The following CYP4A11 variants were observed in gnomAD, a reference collection of about 807,000 sequenced individuals.
The protein encoded by CYP4A11 is cytochrome P450 4A11.
Under a neutral mutation model 57.7 loss-of-function variants are expected in CYP4A11, and 52 were observed. The observed-to-expected ratio is 0.90, with a 90% CI of 0.72 to 1.14. The LOEUF is 1.14. Among genes scored for constraint, CYP4A11 ranks in the 50% most tolerant of loss-of-function variants. The pLI is 0.00. For missense variants in CYP4A11, 641 were observed against 642.1 expected (o/e 1.00, Z 0.02); for synonymous variants, 228 against 247.1 (o/e 0.92, Z 0.72).
Position 46,934,224 on chromosome 1 carries a change from C to G in CYP4A11, c.1040G>C (p.Cys347Ser). The G allele has an allele frequency of 6.2e-7, 1 of 1,613,848 alleles. No homozygotes were observed. The highest frequency in any genetic ancestry group is 8.5e-7 in the Non-Finnish European group (1 of 1,179,874). The change falls in exon 8 of 12, where the codon TGC becomes TCC. Residue 347 changes from cysteine (C) to serine (S), a missense_variant. Coordinates refer to ENST00000310638, the MANE Select transcript of CYP4A11 (RefSeq NM_000778.4). ...CAGGAGGCTGTGGATCTCCTCCCGG[C>G]ACCTCTCCTGATGCTTGGGGTGTGT... ...LATHPKHQERCREEIHSLLGD... is the reference protein window; with the variant it reads ...LATHPKHQERSREEIHSLLGD...
chr1:46,932,900 G>T, intron 10 of CYP4A11, 63 bp from the exon 11 acceptor site: 1 of 1,614,066 alleles, frequency 6.2e-7, no homozygotes, highest in Non-Finnish European at 8.5e-7. Context: ...CACCCATGGG[G>T]GACAGGACTC....
Position 46,930,068 on chromosome 1 carries a change from G to T in CYP4A11, c.*47C>A. 6.4e-7 allele frequency: 1 copy of T among 1,566,366 alleles called. No homozygotes were observed. The highest frequency in any genetic ancestry group is 8.7e-7 in the Non-Finnish European group (1 of 1,154,040). On this transcript the variant is annotated 3_prime_UTR_variant, in exon 12 of 12. Transcript: ENST00000310638. ...AAAACAGGATATGGGCAGACAGGAA[G>T]GGGACAGAAGCGGGGGTCAGGAAGA... is the stretch of plus-strand genomic sequence containing the variant.
chr1:46,931,881 G>A (rs917006144), intron 11 of CYP4A11: 82 of 956,244 alleles, frequency 8.6e-5, no homozygotes, highest in Middle Eastern at 5.3e-4. Flanking sequence ...GATCTCCACC[G>A]CAACCATTCT....
chr1:46,933,104 T>C (rs1387056212), intron 9 of CYP4A11, 57 bp from the exon 10 acceptor site: 2 of 1,602,062 alleles, frequency 1.2e-6, no homozygotes, highest in Non-Finnish European at 1.7e-6. Flanking sequence ...GGTGGCCTGG[T>C]ACTTCAGCCA....
intron 3 of CYP4A11, 24 bp downstream of exon 3, chr1:46,937,278 T>C (rs1681467853): frequency 6.2e-7 from 1 of 1,612,710 alleles, no homozygotes; most frequent in African/African-American, 1.3e-5. Flanking sequence ...GGGAGTGGGC[T>C]GCAGTCCTAG....
In CYP4A11 at chr1:46,934,202, G is replaced by A. The variant is rs1295485380; in HGVS notation, c.1062C>T (p.Leu354=). Residue 354 remains leucine (L), a synonymous_variant, in exon 8 of 12, where the codon CTC becomes CTT. Coordinates refer to ENST00000310638, the MANE Select transcript of CYP4A11 (RefSeq NM_000778.4). Reference sequence around the variant, plus strand: ...AGGTGATGGAGGCTCCATCACCCAGGAGGCTGTGGATCTCCTCCCGGCACC... The same window carrying A: ...AGGTGATGGAGGCTCCATCACCCAGAAGGCTGTGGATCTCCTCCCGGCACC... ...QERCREEIHS[L]LGDGASITWN... The A allele has an allele frequency of 6.2e-7, 1 of 1,613,964 alleles. No individual in the cohort carries two copies. The highest frequency in any genetic ancestry group is 1.7e-5 in the Admixed American group (1 of 60,008).
rs760231988 is a variant in CYP4A11, at chr1:46,930,084, G to A, written c.*31C>T. 7.6e-6 allele frequency: 12 copies of A among 1,587,564 alleles called. No individual in the cohort carries two copies. Among genetic ancestry groups the A allele is most frequent in the Admixed American group, 1.7e-5 (1 of 58,288 alleles). ...AGACAGGAAGGGGACAGAAGCGGGG[G>A]TCAGGAAGACAGGACGGCAGGTGGA... On this transcript the variant is annotated 3_prime_UTR_variant, in exon 12 of 12. Transcript: ENST00000310638.
At position 46,930,279 on chromosome 1, in the gene CYP4A11, C is replaced by T. The variant is rs531039219; in HGVS notation, c.1396G>A (p.Glu466Lys). 2.5e-5 allele frequency: 41 copies of T among 1,613,550 alleles called. No individual in the cohort carries two copies. The highest frequency in any genetic ancestry group is 1.0e-4 in the Admixed American group (6 of 59,924). The change falls in exon 12 of 12, where the codon GAG becomes AAG. Residue 466 changes from glutamate to lysine, a missense_variant. Physicochemically the swap from Glu to Lys is moderately conservative, Grantham distance 56. Transcript: ENST00000310638. ...NCIGKQFAMNELKVATALTLL... is the reference protein window; with the variant it reads ...NCIGKQFAMNKLKVATALTLL... ...GTCAGGGCCGTGGCCACCTTCAGCT[C>T]GTTCATGGCAAATTGTTTCCCGATG...
rs769375333 is a variant in CYP4A11 at position 46,932,740 on chromosome 1, T to C, written c.1364+21A>G. The stretch of plus-strand genomic sequence containing the variant: ...GACTTCCCTCATTCCTCTATTCGAA[T>C]TACCACACAGGACGTCTCACCTTGA... On this transcript the variant is annotated intron_variant, in intron 11 of 11. Transcript: ENST00000310638. 17 of 1,614,132 alleles carry C rather than the reference T, an allele frequency of 1.1e-5. No homozygotes were observed. In the Admixed American group the frequency reaches 2.7e-4, roughly 25 times the overall value.
At position 46,935,005 on chromosome 1, in the gene CYP4A11, T is replaced by A; in HGVS notation, c.785A>T (p.His262Leu). 2 of 1,613,856 alleles carry A rather than the reference T, an allele frequency of 1.2e-6. No individual in the cohort carries two copies. The highest frequency in any genetic ancestry group is 1.7e-6 in the Non-Finnish European group (2 of 1,179,828). Reference sequence around the variant, plus strand: ...ACAAGAGGAAAAGACAGAACCTGTGTGCTGATGGGCCAGCTGGCAGGCGCG... The same window carrying A: ...ACAAGAGGAAAAGACAGAACCTGTGAGCTGATGGGCCAGCTGGCAGGCGCG... ...THRACQLAHQ[H>L]TDQVIQLRKA... Residue 262 changes from histidine (H) to leucine (L), a missense_variant, in exon 6 of 12, where the codon CAC (histidine) becomes CTC (leucine). Coordinates refer to ENST00000310638, the MANE Select transcript of CYP4A11 (RefSeq NM_000778.4).
At chr1:46,930,336 G>A in intron 11 of CYP4A11, 26 bp from the exon 12 acceptor site, 1 of 1,598,404 alleles carries the variant, frequency 6.3e-7, no homozygotes, top group African/African-American at 1.3e-5. Context: ...ATAATGAATT[G>A]AGAAGTGTCC....
chr1:46,939,356 G>T (rs1681612349), intron 1 of CYP4A11, among the ~76,000 whole-genome samples: 1 of 152,274 alleles, frequency 6.6e-6, no homozygotes, highest in African/African-American at 2.4e-5. Flanking sequence ...GTCCTTATCT[G>T]TGTGGAATTT....
Position 46,937,292 on chromosome 1 carries a change from G to A in CYP4A11, c.382+10C>T, listed in dbSNP as rs1390209203. Reference sequence around the variant, plus strand: ...AGGGAGTGGGCTGCAGTCCTAGTTTGCACACATACCAATCCATGGAGCCAG... The same window carrying A: ...AGGGAGTGGGCTGCAGTCCTAGTTTACACACATACCAATCCATGGAGCCAG... On this transcript the variant is annotated intron_variant, in intron 3 of 11. Coordinates refer to ENST00000310638, the MANE Select transcript of CYP4A11 (RefSeq NM_000778.4). 4.3e-6 allele frequency: 7 copies of A among 1,613,988 alleles called. No individual in the cohort carries two copies. The Admixed American group carries it at 1.0e-4, about 23-fold the overall frequency.
chr1:46,937,441 T>A (rs1681481102), intron 2 of CYP4A11, 95 bp from the exon 3 acceptor site: 1 of 1,368,510 alleles, frequency 7.3e-7, no homozygotes, highest in Non-Finnish European at 1.0e-6. Flanking sequence ...CAGTTGGCAG[T>A]TTGACCCATG....
rs1314515361 is a variant in CYP4A11 at position 46,930,319 on chromosome 1, G to A, written c.1365-9C>T. 1 of 1,608,000 alleles carries A rather than the reference G, an allele frequency of 6.2e-7. No homozygotes were observed. The highest frequency in any genetic ancestry group is 1.1e-5 in the South Asian group (1 of 90,206). On this transcript the variant is annotated splice_polypyrimidine_tract_variant and intron_variant, in intron 11 of 11. Transcript: ENST00000310638. ...GTTTCCCGATGCAGTTCCTGGGCCA[G>A]GTGGAGATAATGAATTGAGAAGTGT...
chr1:46,938,069 A>G lies in CYP4A11; in HGVS notation c.264T>C (p.His88=), dbSNP rs774076753. The G allele has an allele frequency of 1.9e-5, 30 of 1,614,092 alleles. No individual in the cohort carries two copies. In the African/African-American group the frequency reaches 3.6e-4, roughly 19 times the overall value. The change falls in exon 2 of 12, where the codon CAT becomes CAC. Residue 88 remains histidine (H), a synonymous_variant. Transcript: ENST00000310638. The part of the protein sequence containing the change: ...WVETFPSACP[H]WLWGGKVRVQ... ...CACGAACTTTGCCTCCCCATAGCCA[A>G]TGAGGACAGGCACTTGGGAATGTCT...
At chr1:46,931,780 A>C in intron 11 of CYP4A11, 9 of 746,530 alleles carry the variant, frequency 1.2e-5, no homozygotes, top group Non-Finnish European at 1.5e-5. Context: ...AAAGTCACAT[A>C]ATTATTTCTT....
At chr1:46,940,989 T>G (rs1457962933) in intron 1 of CYP4A11, 2 of 985,250 alleles carry the variant, frequency 2.0e-6, no homozygotes, top group East Asian at 2.3e-4. Flanking sequence ...CATGCAGGAC[T>G]GCCAAGACAC....
At position 46,934,290 on chromosome 1, in the gene CYP4A11, G is replaced by C. The variant is rs1242115353; in HGVS notation, c.974C>G (p.Thr325Ser). 1 of 1,612,118 alleles carries C rather than the reference G, an allele frequency of 6.2e-7. No individual in the cohort carries two copies. The highest frequency in any genetic ancestry group is 1.7e-5 in the Admixed American group (1 of 59,824). ...GATCCAGGAGATCCCACTGGCTGTG[G>C]TGTCGTGGCCCTCAAACATGAACGT... is the stretch of plus-strand genomic sequence containing the variant. ...VDTFMFEGHD[T>S]TASGISWILY... Residue 325 changes from threonine to serine, a missense_variant, in exon 8 of 12, where the codon ACC (threonine) becomes AGC (serine). By Grantham distance (58) the Thr-to-Ser change is moderately conservative (BLOSUM62 1). Coordinates refer to ENST00000310638, the MANE Select transcript of CYP4A11 (RefSeq NM_000778.4).
Sources: allele counts gnomAD v4.1 joint callset (sites outside exome capture counted in the v4.1 genomes callset), GRCh38; gene constraint gnomAD v4.1.1; transcripts MANE v1.5; gene names NCBI Gene and HGNC (gene_info 2026-07-23, HGNC 2026-07-21).